The following GPC6 variants were observed in gnomAD, a reference collection of about 807,000 sequenced individuals.
GPC6 encodes glypican 6, also known as glypican-6.
In GPC6, 14 loss-of-function variants were observed where a neutral mutation model predicts 55.2. That is an observed-to-expected ratio of 0.25 (90% CI 0.17 to 0.40). The LOEUF (loss-of-function observed/expected upper bound fraction) is 0.40. GPC6 is among the 10% of genes least tolerant of loss of function. The pLI is 1.00. For synonymous variants in GPC6, 278 were observed against 259.6 expected, an observed-to-expected ratio of 1.07 and a Z score of -0.68; for missense variants, 641 against 708.5, an observed-to-expected ratio of 0.90 and a Z score of 1.08.
intron 4 of GPC6, among the ~76,000 whole-genome samples, chr13:94,190,180 A>T (rs903579431): frequency 9.9e-5 from 15 of 151,962 alleles, no homozygotes; most frequent in African/African-American, 3.6e-4. Context: ...AAAATTAGCC[A>T]GGCATGGTGG....
intron 4 of GPC6, among the ~76,000 whole-genome samples, chr13:94,223,486 A>T (rs1278879916): frequency 6.6e-6 from 1 of 152,176 alleles, no homozygotes; most frequent in Non-Finnish European, 1.5e-5. Flanking sequence ...CTAAAATCAC[A>T]TAGCTACCTG....
At chr13:93,715,176 C>T (rs755341142) in intron 2 of GPC6, among the ~76,000 whole-genome samples, 8 of 151,582 alleles carry the variant, frequency 5.3e-5, no homozygotes, top group African/African-American at 1.5e-4. Flanking sequence ...TTCATCACAG[C>T]GCTATTCACA....
At chr13:93,937,333 G>A (rs1267837190) in intron 3 of GPC6, among the ~76,000 whole-genome samples, 1 of 152,164 alleles carries the variant, frequency 6.6e-6, no homozygotes, top group Non-Finnish European at 1.5e-5. Flanking sequence ...TTTTATACAA[G>A]AACAGCCTTT....
At chr13:94,271,768 C>G (rs1443539039) in intron 4 of GPC6, among the ~76,000 whole-genome samples, 3 of 152,010 alleles carry the variant, frequency 2.0e-5, no homozygotes, top group African/African-American at 7.3e-5. Flanking sequence ...TCTGTCTCCC[C>G]CTCCCTTTTT....
chr13:93,377,442 C>A (rs1874956117), intron 1 of GPC6, among the ~76,000 whole-genome samples: 1 of 152,174 alleles, frequency 6.6e-6, no homozygotes, highest in Admixed American at 6.5e-5. Flanking sequence ...TCAGAGTTTA[C>A]AACTTGCTTT....
At chr13:93,950,390 A>G (rs1487612329) in intron 3 of GPC6, among the ~76,000 whole-genome samples, 1 of 152,202 alleles carries the variant, frequency 6.6e-6, no homozygotes, top group Non-Finnish European at 1.5e-5. Flanking sequence ...ATAATAAACA[A>G]GTATAAAAGC....
intron 3 of GPC6, among the ~76,000 whole-genome samples, chr13:93,861,153 GTTA>G (rs1210187057): frequency 6.6e-6 from 1 of 150,928 alleles, no homozygotes; most frequent in Non-Finnish European, 1.5e-5. Flanking sequence ...AATACTAGCT[GTTA>G]TTCATAATAA....
intron 6 of GPC6, among the ~76,000 whole-genome samples, chr13:94,364,943 C>T (rs1879223173): frequency 6.6e-6 from 1 of 152,106 alleles, no homozygotes; most frequent in Non-Finnish European, 1.5e-5. Context: ...ATTTGAAGAC[C>T]CAGAATTTGA....
At chr13:94,254,665 T>C (rs1163610943) in intron 4 of GPC6, among the ~76,000 whole-genome samples, 1 of 151,232 alleles carries the variant, frequency 6.6e-6, no homozygotes, top group African/African-American at 2.5e-5. Flanking sequence ...AGCCACTGAA[T>C]GTTTTACTAA....
At chr13:94,330,928 C>G (rs1877377856) in intron 6 of GPC6, among the ~76,000 whole-genome samples, 1 of 151,852 alleles carries the variant, frequency 6.6e-6, no homozygotes, top group South Asian at 2.1e-4. Context: ...ATTGATATAA[C>G]CATATAAGAC....
intron 1 of GPC6, among the ~76,000 whole-genome samples, chr13:93,238,366 T>A (rs1876312197): frequency 6.6e-6 from 1 of 152,138 alleles, no homozygotes; most frequent in Admixed American, 6.5e-5. Flanking sequence ...ATTCTTGATT[T>A]GATTCTAAGC....
At chr13:93,454,227 C>T (rs1878346091) in intron 1 of GPC6, among the ~76,000 whole-genome samples, 1 of 147,798 alleles carries the variant, frequency 6.8e-6, no homozygotes, top group Non-Finnish European at 1.5e-5. Context: ...TTTACGATCC[C>T]TGAGCTAGAC....
rs369502802 is a variant in GPC6, at chr13:93,354,598, T to G, written c.160+126982T>G. On this transcript the variant is annotated intron_variant, in intron 1 of 8. Transcript: ENST00000377047. ...CCAGGATGGTCTCGATCTCCTGACCTCGTGATCCGCCCGCCTCGGCCTCCC... is the reference window on the plus strand; with the variant it reads ...CCAGGATGGTCTCGATCTCCTGACCGCGTGATCCGCCCGCCTCGGCCTCCC... 2.5e-4 allele frequency among the ~76,000 whole-genome samples: 37 copies of G among 150,706 alleles called. No individual in the cohort carries two copies. The South Asian group carries it at 7.8e-3, about 32-fold the overall frequency.
chr13:94,255,027 A>C (rs1383356726), intron 4 of GPC6, among the ~76,000 whole-genome samples: 1 of 152,202 alleles, frequency 6.6e-6, no homozygotes, highest in African/African-American at 2.4e-5. Context: ...TAAGAAGCCC[A>C]AAAAATTCCT....
chr13:93,377,130 G>A (rs1448392842), intron 1 of GPC6, among the ~76,000 whole-genome samples: 2 of 152,162 alleles, frequency 1.3e-5, no homozygotes, highest in Non-Finnish European at 2.9e-5. Flanking sequence ...CTGGCTACAA[G>A]TGCAGAAAGA....
At chr13:93,882,722 A>T (rs899232896) in intron 3 of GPC6, among the ~76,000 whole-genome samples, 2 of 152,154 alleles carry the variant, frequency 1.3e-5, no homozygotes, top group African/African-American at 4.8e-5. Context: ...AGAGATTTAG[A>T]TTGTAAAAAA....
intron 5 of GPC6, among the ~76,000 whole-genome samples, chr13:94,294,644 C>G (rs1397060467): frequency 1.3e-5 from 2 of 149,286 alleles, no homozygotes; most frequent in Non-Finnish European, 3.0e-5. Flanking sequence ...TTTTTTTTTT[C>G]TCCAGATCTT....
intron 2 of GPC6, among the ~76,000 whole-genome samples, chr13:93,570,412 A>G: frequency 6.6e-6 from 1 of 152,144 alleles, no homozygotes; most frequent in Non-Finnish European, 1.5e-5. Context: ...ATGGGAAAAC[A>G]CCAGCATTAT....
At chr13:94,383,485 C>CT (rs1880268685) in intron 7 of GPC6, among the ~76,000 whole-genome samples, 1 of 152,182 alleles carries the variant, frequency 6.6e-6, no homozygotes, top group South Asian at 2.1e-4. Flanking sequence ...AATCCCAACA[C>CT]TTTGGGGGGC....
Sources: allele counts gnomAD v4.1 joint callset (sites outside exome capture counted in the v4.1 genomes callset), GRCh38; gene constraint gnomAD v4.1.1; transcripts MANE v1.5; gene names NCBI Gene and HGNC (gene_info 2026-07-23, HGNC 2026-07-21).